CHST6: variants seen among roughly 807,000 people sequenced by gnomAD.
CHST6 encodes the protein carbohydrate sulfotransferase 6.
For synonymous variants in CHST6, 309 were observed against 276.4 expected (o/e 1.12, Z -1.17); for missense variants, 698 against 586.2 (o/e 1.19, Z -1.97).
In CHST6 at chr16:75,479,791, G is replaced by A. The variant is rs1466390426; in HGVS notation, c.38C>T (p.Ala13Val). The change falls in exon 3 of 3, where the codon GCG becomes GTG. Residue 13 changes from alanine to valine, a missense_variant. Coordinates refer to ENST00000332272, the MANE Select transcript of CHST6 (RefSeq NM_021615.5). ...GAGGAAGGTCTGCGCCAGGAGGAGC[G>A]CGGTCACTGCTGTGCTGGAGACGCG... ...LPRVSSTAVT[A>V]LLLAQTFLLL... 4 of 1,581,136 alleles carry A rather than the reference G, an allele frequency of 2.5e-6. No individual in the cohort carries two copies. The African/African-American group carries it at 4.0e-5, about 16-fold the overall frequency.
intron 1 of CHST6, among the ~76,000 whole-genome samples, chr16:75,492,448 T>C (rs999853882): frequency 6.6e-6 from 1 of 152,266 alleles, no homozygotes. Flanking sequence ...AGAGATAATC[T>C]GGAATGTTCC....
At position 75,479,006 on chromosome 16, in the gene CHST6, C is replaced by G; in HGVS notation, c.823G>C (p.Asp275His). 6.2e-7 allele frequency: 1 copy of G among 1,611,840 alleles called. No homozygotes were observed. The highest frequency in any genetic ancestry group is 1.1e-5 in the South Asian group (1 of 91,086). Residue 275 changes from aspartate (D) to histidine (H), a missense_variant, in exon 3 of 3, where the codon GAC becomes CAC. Transcript: ENST00000332272. ...RGRYRLVRFE[D>H]LAREPLAEIR... is the part of the protein sequence containing the mutation. ...TCTGCCAGCGGCTCCCGCGCCAGGT[C>G]CTCGAAGCGCACCAGGCGGTAGCGG... is the stretch of plus-strand genomic sequence containing the variant.
rs1555501738 is a variant in CHST6 at position 75,491,190 on chromosome 16, AATATATAT to A, written c.-92+3742_-92+3749del. The stretch of plus-strand genomic sequence containing the variant: ...TAAAAAAAAAAAAAAAAAAAAAAAA[AATATATAT>A]ATATATATATATATATATATAAAAT... On this transcript the variant is annotated intron_variant, in intron 1 of 2. Transcript: ENST00000332272. Among the ~76,000 whole-genome samples the A allele has an allele frequency of 4.6e-3, 228 of 50,050 alleles. 1 individual carries two copies. Among genetic ancestry groups the A allele is most frequent in the Non-Finnish European group, 5.3e-3 (176 of 33,344 alleles). The allele number at this position is 50,050 out of a possible 152,430, so 32.8% of individuals were successfully genotyped here.
chr16:75,487,895 C>T (rs886833622), intron 1 of CHST6, among the ~76,000 whole-genome samples: 6 of 151,228 alleles, frequency 4.0e-5, no homozygotes, highest in African/African-American at 9.7e-5. Context: ...ACTCGGGAGG[C>T]GGAGTCAGGA....
rs748994279 is a variant in CHST6, at chr16:75,478,675, C to T, written c.1154G>A (p.Trp385Ter). The T allele has an allele frequency of 1.2e-6, 2 of 1,613,716 alleles. No individual in the cohort carries two copies. Among genetic ancestry groups the T allele is most frequent in the Non-Finnish European group, 1.7e-6 (2 of 1,180,026 alleles). The change falls in exon 3 of 3, where the codon TGG becomes TAG. Residue 385 changes from tryptophan (W) to a stop codon, truncating the protein, a stop_gained. Coordinates refer to ENST00000332272, the MANE Select transcript of CHST6 (RefSeq NM_021615.5). LOFTEE classifies it low-confidence loss of function (END_TRUNC). ...GGGGTGCGAGGCGGTGGATGATGCC[C>T]AAGTGAAGCCGTTCAGGCCTCGTGG... is the stretch of plus-strand genomic sequence containing the variant. ...VLPRGLNGFT[W>*]ASSTASHPRN
At position 75,481,108 on chromosome 16, in the gene CHST6, T is replaced by TA. The variant is rs200939433; in HGVS notation, c.-17+708dup. 4.4e-3 allele frequency among the ~76,000 whole-genome samples: 656 copies of TA among 148,992 alleles called. 1 individual carries two copies. The highest frequency in any genetic ancestry group is 0.015 in the African/African-American group (595 of 40,408). On this transcript the variant is annotated intron_variant, in intron 2 of 2. Coordinates refer to ENST00000332272, the MANE Select transcript of CHST6 (RefSeq NM_021615.5). ...AGCCTGCCTGTCTCTACAAAAACAT[T>TA]AAAAAAAACAAAAAAAGGAAAGCCA... is the stretch of plus-strand genomic sequence containing the variant.
intron 2 of CHST6, among the ~76,000 whole-genome samples, chr16:75,481,252 G>C (rs1303629397): frequency 6.6e-6 from 1 of 152,092 alleles, no homozygotes; most frequent in Admixed American, 6.6e-5. Flanking sequence ...CTCCAGCTTG[G>C]GCGATAGAGT....
At position 75,490,221 on chromosome 16, in the gene CHST6, G is replaced by A. The variant is rs1166942611; in HGVS notation, c.-92+4719C>T. The stretch of plus-strand genomic sequence containing the variant: ...AGGCCGGGCACAGTGGCTCACGCCT[G>A]TAATCCCAGCACTTTGGGAGGCCAA... On this transcript the variant is annotated intron_variant, in intron 1 of 2. Coordinates refer to ENST00000332272, the MANE Select transcript of CHST6 (RefSeq NM_021615.5). Among the ~76,000 whole-genome samples the A allele has an allele frequency of 3.4e-5, 5 of 145,508 alleles. No individual in the cohort carries two copies. The Admixed American group carries it at 3.6e-4, about 10-fold the overall frequency.
At chr16:75,488,984 A>G (rs2080230265) in intron 1 of CHST6, among the ~76,000 whole-genome samples, 1 of 152,072 alleles carries the variant, frequency 6.6e-6, no homozygotes, top group South Asian at 2.1e-4. Context: ...AACATCATCT[A>G]TGAGGGTTTC....
In CHST6 at chr16:75,476,020, T is replaced by A. The variant is rs926379696; in HGVS notation, c.*2621A>T. Reference sequence around the variant, plus strand: ...ACCACCACACCCGGCTAATTTTTTTTATTTTTAGTAGAGATGGGGTTTCAC... The same window carrying A: ...ACCACCACACCCGGCTAATTTTTTTAATTTTTAGTAGAGATGGGGTTTCAC... On this transcript the variant is annotated 3_prime_UTR_variant, in exon 3 of 3. Transcript: ENST00000332272. The A allele has an allele frequency of 1.3e-5, 2 of 152,052 alleles. No homozygotes were observed. The highest frequency in any genetic ancestry group is 2.4e-5 in the African/African-American group (1 of 41,428). The allele number at this position is 152,052 out of a possible 1,614,324, so 9.4% of individuals were successfully genotyped here.
At position 75,478,815 on chromosome 16, in the gene CHST6, G is replaced by C. The variant is rs767600153; in HGVS notation, c.1014C>G (p.Pro338=). 2.5e-6 allele frequency: 4 copies of C among 1,613,460 alleles called. No homozygotes were observed. The highest frequency in any genetic ancestry group is 2.5e-6 in the Non-Finnish European group (3 of 1,179,980). ...CCTGCACGCGGCGGATCTTGGCAAA[G>C]GGCAGCGCATGGCGCCAGGCCTGGG... ...NVSQAWRHAL[P]FAKIRRVQEL... Residue 338 remains proline (P), a synonymous_variant, in exon 3 of 3, where the codon CCC becomes CCG. Coordinates refer to ENST00000332272, the MANE Select transcript of CHST6 (RefSeq NM_021615.5).
At position 75,479,531 on chromosome 16, in the gene CHST6, A is replaced by G; in HGVS notation, c.298T>C (p.Phe100Leu). 6.2e-7 allele frequency: 1 copy of G among 1,612,826 alleles called. No individual in the cohort carries two copies. The highest frequency in any genetic ancestry group is 8.5e-7 in the Non-Finnish European group (1 of 1,179,812). ...MAVRDLVRSV[F>L]LCDMDVFDAY... ...TCAAACACGTCCATGTCGCACAGGAAGACGGAGCGCACCAGGTCGCGCACA... is the reference window on the plus strand; with the variant it reads ...TCAAACACGTCCATGTCGCACAGGAGGACGGAGCGCACCAGGTCGCGCACA... The change falls in exon 3 of 3, where the codon TTC becomes CTC. Residue 100 changes from phenylalanine (F) to leucine (L), a missense_variant. Phe to Leu is a conservative substitution (Grantham distance 22). Transcript: ENST00000332272.
chr16:75,491,893 G>A (rs75442765), intron 1 of CHST6, among the ~76,000 whole-genome samples: 2,353 of 152,174 alleles, frequency 0.015, 63 homozygotes, highest in Admixed American at 0.06. Context: ...TGAATTACCC[G>A]CTCTGCACTA....
rs2080028342 is a variant in CHST6 at position 75,472,154 on chromosome 16, A to G, written c.*6487T>C. The stretch of plus-strand genomic sequence containing the variant: ...AAGGATTCACATTCAACAATATGAT[A>G]AACTAGGTGAAACTTTTTGAAATTT... On this transcript the variant is annotated 3_prime_UTR_variant, in exon 3 of 3. Coordinates refer to ENST00000332272, the MANE Select transcript of CHST6 (RefSeq NM_021615.5). The G allele has an allele frequency of 6.6e-6, 1 of 152,238 alleles. No individual in the cohort carries two copies. The highest frequency in any genetic ancestry group is 2.1e-4 in the South Asian group (1 of 4,832). The allele number at this position is 152,238 out of a possible 1,614,324, so 9.4% of individuals were successfully genotyped here. A position where few individuals can be genotyped will look rare whatever the true frequency, so the allele number is the denominator to read the frequency against.
In CHST6 at chr16:75,489,268, G is replaced by A. The variant is rs1044943274; in HGVS notation, c.-92+5672C>T. ...ACAAAAATTAGCTAGGCGTGGTGGT[G>A]CATGCCTGTAATCCCAGCTACTCGT... On this transcript the variant is annotated intron_variant, in intron 1 of 2. Transcript: ENST00000332272. Among the ~76,000 whole-genome samples the A allele has an allele frequency of 2.0e-5, 3 of 151,582 alleles. No homozygotes were observed. In the South Asian group the frequency reaches 6.2e-4, roughly 32 times the overall value.
rs1482448048 is a variant in CHST6 at position 75,473,066 on chromosome 16, C to T, written c.*5575G>A. 3 of 152,268 alleles carry T rather than the reference C, an allele frequency of 2.0e-5. No individual in the cohort carries two copies. The highest frequency in any genetic ancestry group is 4.4e-5 in the Non-Finnish European group (3 of 68,062). 9.4% of individuals were successfully genotyped at this position (152,268 alleles called of 1,614,324 possible). A position where few individuals can be genotyped will look rare whatever the true frequency, so the allele number is the denominator to read the frequency against. The stretch of plus-strand genomic sequence containing the variant: ...GGAAGCTGCAGGTGCCAGGAGCCCT[C>T]CGTTCTCAAGTGTATCGGTTAGGCA... On this transcript the variant is annotated 3_prime_UTR_variant, in exon 3 of 3. Coordinates refer to ENST00000332272, the MANE Select transcript of CHST6 (RefSeq NM_021615.5).
In CHST6 at chr16:75,480,073, CATGTGAGTCCTACCTTCTTA is replaced by C. The variant is rs376020485; in HGVS notation, c.-16-249_-16-230del. ...CAGAATGCGGTCGGAAATCTGTCTA[CATGTGAGTCCTACCTTCTTA>C]ATGTGAGTCCTACCTTCTTAATGTG... is the stretch of plus-strand genomic sequence containing the variant. On this transcript the variant is annotated intron_variant, in intron 2 of 2. Coordinates refer to ENST00000332272, the MANE Select transcript of CHST6 (RefSeq NM_021615.5). 0.09 allele frequency among the ~76,000 whole-genome samples: 13,668 copies of C among 152,024 alleles called. 1,659 individuals carry two copies. Among genetic ancestry groups the C allele is most frequent in the African/African-American group, 0.28 (11,502 of 41,314 alleles).
intron 1 of CHST6, among the ~76,000 whole-genome samples, chr16:75,486,678 A>G (rs1414331864): frequency 1.3e-5 from 2 of 152,244 alleles, no homozygotes; most frequent in African/African-American, 2.4e-5. Flanking sequence ...AGCTGACAGC[A>G]CCATCTAAGC....
In CHST6 at chr16:75,492,716, G is replaced by A. The variant is rs1045612255; in HGVS notation, c.-92+2224C>T. Among the ~76,000 whole-genome samples, 14 of 151,812 alleles carry A rather than the reference G, an allele frequency of 9.2e-5. No homozygotes were observed. The South Asian group carries it at 2.9e-3, about 32-fold the overall frequency. On this transcript the variant is annotated intron_variant, in intron 1 of 2. Transcript: ENST00000332272. ...TACACAAAAAGTAGCCAGGTGTGGTGGCACGTGCTTGTAATCCTAGCTACC... is the reference window on the plus strand; with the variant it reads ...TACACAAAAAGTAGCCAGGTGTGGTAGCACGTGCTTGTAATCCTAGCTACC...
Sources: allele counts gnomAD v4.1 joint callset (sites outside exome capture counted in the v4.1 genomes callset), GRCh38; gene constraint gnomAD v4.1.1; transcripts MANE v1.5; gene names NCBI Gene and HGNC (gene_info 2026-07-23, HGNC 2026-07-21).